Variants in CCDC125 observed in about 807,000 individuals in gnomAD.
CCDC125 encodes coiled-coil domain-containing protein 125.
In CCDC125, 43 loss-of-function variants were observed where a neutral mutation model predicts 57.4. The ratio of observed to expected loss-of-function variants is 0.75; its 90% CI spans 0.59 to 0.97. The LOEUF is 0.97. CCDC125 is among the 50% of genes least tolerant of loss of function. The pLI is 0.00. For missense variants in CCDC125, 563 were observed against 595.7 expected (o/e 0.95, Z 0.57); for synonymous variants, 187 against 195.2 (o/e 0.96, Z 0.35).
Position 69,282,862 on chromosome 5 carries a change from C to A in CCDC125, c.1403G>T (p.Gly468Val). ...WRKTSEFSVLGDPIHSSVCIL... is the reference protein window; with the variant it reads ...WRKTSEFSVLVDPIHSSVCIL... ...GCAGACACTTGAATGTATAGGATCA[C>A]CCAAAACAGAGAATTCTGAAGTCTT... The change falls in exon 12 of 12, where the codon GGT (glycine) becomes GTT (valine). Residue 468 changes from glycine (G) to valine (V), a missense_variant. Coordinates refer to ENST00000396496, the MANE Select transcript of CCDC125 (RefSeq NM_176816.5). 2 of 1,614,010 alleles carry A rather than the reference C, an allele frequency of 1.2e-6. No homozygotes were observed. The highest frequency in any genetic ancestry group is 1.7e-6 in the Non-Finnish European group (2 of 1,179,992).
chr5:69,294,087 T>G (rs1331191029), intron 9 of CCDC125: 4 of 942,812 alleles, frequency 4.2e-6, no homozygotes, highest in African/African-American at 1.8e-5. Flanking sequence ...GGGACAAAGG[T>G]TCCTTTCACT....
At chr5:69,273,048 T>G in the CCDC125 span, 1 of 1,504,596 alleles carries the variant, frequency 6.6e-7, no homozygotes, top group African/African-American at 1.4e-5. Context: ...ACAGGTATTT[T>G]GGTGTATCTT....
At chr5:69,306,771 A>C in intron 6 of CCDC125, 46 bp downstream of exon 6, 1 of 1,348,698 alleles carries the variant, frequency 7.4e-7, no homozygotes, top group African/African-American at 1.5e-5. Flanking sequence ...TGAATTACAT[A>C]GATTTTAAAG....
chr5:69,323,771 C>T (rs1760394677), intron 1 of CCDC125: 1 of 152,160 alleles, frequency 6.6e-6, no homozygotes. Flanking sequence ...TCACTGAGCC[C>T]TCCCCATGTG....
chr5:69,279,321 CGAGTAGCTGG>C (rs1752354677), downstream of CCDC125, among the ~76,000 whole-genome samples: 1 of 136,222 alleles, frequency 7.3e-6, no homozygotes, highest in African/African-American at 3.3e-5. Flanking sequence ...CTCAGCCTCC[CGAGTAGCTGG>C]GACTACAGGT....
chr5:69,313,834 C>A, intron 3 of CCDC125, 151 bp downstream of exon 3: 1 of 845,680 alleles, frequency 1.2e-6, no homozygotes, highest in South Asian at 1.3e-5. Flanking sequence ...CGTTGAACAC[C>A]TTGATGACAC....
intron 5 of CCDC125, among the ~76,000 whole-genome samples, chr5:69,307,357 C>T (rs190106374): frequency 6.1e-4 from 92 of 151,440 alleles, no homozygotes; most frequent in Non-Finnish European, 1.2e-3. Context: ...TGCCAGGCAA[C>T]GATAAGGATT....
chr5:69,299,333 T>C (rs1755971106), intron 8 of CCDC125, among the ~76,000 whole-genome samples: 3 of 152,244 alleles, frequency 2.0e-5, no homozygotes, highest in East Asian at 1.9e-4. Context: ...ATGGTCTCGA[T>C]CTCCTGACCT....
intron 10 of CCDC125, among the ~76,000 whole-genome samples, chr5:69,288,246 A>G (rs1753830539): frequency 6.6e-6 from 1 of 152,058 alleles, no homozygotes; most frequent in African/African-American, 2.4e-5. Context: ...GAGGCTCTTG[A>G]TGGGCTCCTG....
chr5:69,315,437 CAAAAAAAAAAAACAAAAAAAAAAACAAA>C (rs1267288994), intron 2 of CCDC125, among the ~76,000 whole-genome samples: 1 of 20,010 alleles, frequency 5.0e-5, no homozygotes, highest in Non-Finnish European at 1.1e-4. Context: ...GATTCTGTCT[CAAAAAAAAAAAACAAAAAAAAAAACAAA>C]AAAAAAAAAG....
At chr5:69,327,195 T>C (rs1394091997) in intron 1 of CCDC125, among the ~76,000 whole-genome samples, 1 of 151,270 alleles carries the variant, frequency 6.6e-6, no homozygotes, top group African/African-American at 2.4e-5. Flanking sequence ...CCCGGGTTCA[T>C]GCCAGTCTCC....
At chr5:69,285,923 A>G (rs6862253) in intron 10 of CCDC125, among the ~76,000 whole-genome samples, 66,928 of 151,698 alleles carry the variant, frequency 0.44, 15,272 homozygotes, top group South Asian at 0.57. Context: ...TCATTCAGCC[A>G]CTTACTAACT....
chr5:69,299,202 T>C (rs6887752), intron 8 of CCDC125, among the ~76,000 whole-genome samples: 7,514 of 151,706 alleles, frequency 0.05, 630 homozygotes, highest in African/African-American at 0.17. Context: ...CTCCGCCTCC[T>C]GGGTTCACGC....
chr5:69,300,020 C>T lies in CCDC125; in HGVS notation c.808G>A (p.Gly270Ser). 6.2e-7 allele frequency: 1 copy of T among 1,613,424 alleles called. No individual in the cohort carries two copies. The highest frequency in any genetic ancestry group is 8.5e-7 in the Non-Finnish European group (1 of 1,179,324). ...CCTGCATGCTTACCTACCTCAAGAC[C>T]TGAAGCCTCTGCAAAGCCACTTTTA... ...CDKSGFAEAS[G>S]LELAVLGACL... is the part of the protein sequence containing the mutation. The change falls in exon 8 of 12, where the codon GGT becomes AGT. Residue 270 changes from glycine to serine, a missense_variant. By Grantham distance (56) the Gly-to-Ser change is moderately conservative (BLOSUM62 0). Transcript: ENST00000396496.
chr5:69,321,290 T>C (rs1759980607), intron 1 of CCDC125, among the ~76,000 whole-genome samples: 1 of 151,970 alleles, frequency 6.6e-6, no homozygotes, highest in Non-Finnish European at 1.5e-5. Flanking sequence ...ACCTCATAAA[T>C]ATAGGCAGCC....
intron 5 of CCDC125, 177 bp downstream of exon 5, chr5:69,307,774 T>C (rs1009129050): frequency 1.4e-5 from 8 of 574,998 alleles, no homozygotes; most frequent in Middle Eastern, 2.8e-4. Context: ...CCTGAATTCA[T>C]TGTGCACATG....
intron 3 of CCDC125, chr5:69,313,698 C>T: frequency 1.3e-6 from 1 of 762,554 alleles, no homozygotes; most frequent in Non-Finnish European, 2.5e-6. Context: ...GTCCACATTG[C>T]CCACCAGTAT....
chr5:69,292,880 G>A (rs775932620), intron 9 of CCDC125, among the ~76,000 whole-genome samples: 17 of 143,306 alleles, frequency 1.2e-4, no homozygotes, highest in Admixed American at 7.2e-4. Context: ...TCGCTCTGTC[G>A]CCCAGGCTGG....
intron 10 of CCDC125, among the ~76,000 whole-genome samples, chr5:69,291,189 G>A (rs1321937930): frequency 6.6e-6 from 1 of 152,052 alleles, no homozygotes; most frequent in East Asian, 1.9e-4. Flanking sequence ...TTAAACTGAA[G>A]CAATATGAAT....
Sources: gnomAD v4.1 joint callset for allele counts (sites outside exome capture counted in the v4.1 genomes callset) on GRCh38, gnomAD v4.1.1 for gene constraint, MANE v1.5 for transcripts, NCBI Gene and HGNC (gene_info 2026-07-23, HGNC 2026-07-21) for gene names.